The following PHACTR4 variants were observed in gnomAD, a reference collection of about 807,000 sequenced individuals.
The protein encoded by PHACTR4 is phosphatase and actin regulator 4.
A neutral mutation model predicts 72.7 loss-of-function variants in PHACTR4; 51 were observed. The observed-to-expected ratio is 0.70, with a 90% CI of 0.56 to 0.89. The LOEUF (loss-of-function observed/expected upper bound fraction) is 0.89, where lower values mean the gene tolerates loss of function less well. PHACTR4 is among the 40% of genes least tolerant of loss of function. PHACTR4 has a pLI of 0.00. For synonymous variants in PHACTR4, 255 were observed against 302.5 expected (o/e 0.84, Z 1.63); for missense variants, 731 against 861.8 (o/e 0.85, Z 1.90).
At chr1:28,444,459 A>T (rs1657289701) in intron 2 of PHACTR4, among the ~76,000 whole-genome samples, 1 of 151,220 alleles carries the variant, frequency 6.6e-6, no homozygotes, top group Non-Finnish European at 1.5e-5. Context: ...TGATCTCCTG[A>T]CCTTGTGATC....
chr1:28,371,819 T>C (rs2124087000), intron 1 of PHACTR4, among the ~76,000 whole-genome samples: 1 of 152,092 alleles, frequency 6.6e-6, no homozygotes, highest in East Asian at 1.9e-4. Flanking sequence ...CCCAGGCTGG[T>C]CTTGGACTCC....
intron 8 of PHACTR4, among the ~76,000 whole-genome samples, chr1:28,478,781 G>T (rs899482064): frequency 3.1e-4 from 47 of 151,000 alleles, no homozygotes; most frequent in Non-Finnish European, 1.5e-4. Flanking sequence ...AGGGTGTTTT[G>T]TTTGTTTTGT....
intron 2 of PHACTR4, among the ~76,000 whole-genome samples, chr1:28,421,393 G>GT (rs578085922): frequency 0.036 from 5,203 of 143,162 alleles, 119 homozygotes; most frequent in Non-Finnish European, 0.053. Context: ...GGGTTTTTTT[G>GT]TTTTTTTTTT....
rs761092750 is a variant in PHACTR4 at position 28,476,146 on chromosome 1, C to T, written c.1461C>T (p.Ser487=). Residue 487 remains serine (S), a synonymous_variant, in exon 8 of 14, where the codon TCC becomes TCT. Transcript: ENST00000373839. ...DEEEEEQTCP[S]TFSEEMTPTS... Reference sequence around the variant, plus strand: ...AAGAAGAGGAGCAAACCTGTCCATCCACATTCAGTGAAGAAATGACACCTA... The same window carrying T: ...AAGAAGAGGAGCAAACCTGTCCATCTACATTCAGTGAAGAAATGACACCTA... 11 of 1,612,654 alleles carry T rather than the reference C, an allele frequency of 6.8e-6. No homozygotes were observed. The African/African-American group carries it at 1.3e-4, about 20-fold the overall frequency.
At chr1:28,395,481 T>TC (rs753524835) in intron 1 of PHACTR4, among the ~76,000 whole-genome samples, 10 of 152,166 alleles carry the variant, frequency 6.6e-5, no homozygotes, top group Non-Finnish European at 1.5e-4. Context: ...AAGAGCTGAT[T>TC]CATGCTTCTT....
intron 6 of PHACTR4, among the ~76,000 whole-genome samples, chr1:28,473,318 G>A (rs1659700373): frequency 6.6e-6 from 1 of 150,454 alleles, no homozygotes. Flanking sequence ...TGTTGCCATA[G>A]CAATGAAGTA....
At chr1:28,453,257 G>A (rs1308261785) in intron 2 of PHACTR4, among the ~76,000 whole-genome samples, 1 of 152,188 alleles carries the variant, frequency 6.6e-6, no homozygotes, top group Non-Finnish European at 1.5e-5. Flanking sequence ...GCTGTATGAT[G>A]CTAATTTTCT....
chr1:28,371,373 C>T (rs987422328), intron 1 of PHACTR4, among the ~76,000 whole-genome samples: 1 of 152,178 alleles, frequency 6.6e-6, no homozygotes, highest in Non-Finnish European at 1.5e-5. Context: ...TGGCTCACTG[C>T]AACCTCCACT....
chr1:28,474,752 A>G (rs944833701), intron 7 of PHACTR4, among the ~76,000 whole-genome samples: 11 of 151,668 alleles, frequency 7.3e-5, no homozygotes, highest in Non-Finnish European at 1.5e-4. Context: ...CATGTTGGCC[A>G]GGCTGGTCTC....
Position 28,433,085 on chromosome 1 carries a change from C to T in PHACTR4, c.16+25622C>T, listed in dbSNP as rs1656384649. On this transcript the variant is annotated intron_variant, in intron 2 of 13. Coordinates refer to ENST00000373839, the MANE Select transcript of PHACTR4 (RefSeq NM_001048183.3). ...TCCCTAAGTAAAATAGGAAGAGAAT[C>T]ACAAATTTTAATTCTGCTACTTCCC... The T allele has an allele frequency of 2.8e-5, 28 of 985,246 alleles. No homozygotes were observed. The South Asian group carries it at 1.2e-3, about 43-fold the overall frequency. 61.0% of individuals were successfully genotyped at this position (985,246 alleles called of 1,614,324 possible).
chr1:28,464,924 G>A (rs1362041362), intron 4 of PHACTR4, among the ~76,000 whole-genome samples: 14 of 151,692 alleles, frequency 9.2e-5, no homozygotes, highest in Admixed American at 8.5e-4. Flanking sequence ...GGCTGGTCTC[G>A]AACTCTTGAC....
chr1:28,447,008 T>A (rs1237321718), intron 2 of PHACTR4, among the ~76,000 whole-genome samples: 1 of 151,724 alleles, frequency 6.6e-6, no homozygotes, highest in Non-Finnish European at 1.5e-5. Context: ...TTCTTTTTAT[T>A]TATTTATTTA....
At chr1:28,486,674 C>T (rs888196151) in intron 9 of PHACTR4, among the ~76,000 whole-genome samples, 2 of 151,946 alleles carry the variant, frequency 1.3e-5, no homozygotes, top group Non-Finnish European at 2.9e-5. Flanking sequence ...CAAGACCAGC[C>T]TGACCAACAT....
At chr1:28,423,313 A>C (rs573243671) in intron 2 of PHACTR4, among the ~76,000 whole-genome samples, 1 of 152,106 alleles carries the variant, frequency 6.6e-6, no homozygotes, top group Admixed American at 6.6e-5. Flanking sequence ...AGTGGCTGAG[A>C]TGGGAGGATT....
intron 1 of PHACTR4, among the ~76,000 whole-genome samples, chr1:28,381,094 T>G (rs1254087293): frequency 7.3e-6 from 1 of 137,550 alleles, no homozygotes; most frequent in Admixed American, 7.5e-5. Context: ...CTGCAGCCTC[T>G]GCCTCCCGGG....
chr1:28,375,469 TC>T (rs1651583895), intron 1 of PHACTR4, among the ~76,000 whole-genome samples: 2 of 151,822 alleles, frequency 1.3e-5, no homozygotes, highest in South Asian at 4.2e-4. Context: ...TTTATGTTTA[TC>T]CCAGGAGTTT....
chr1:28,468,300 A>G (rs1367142955), intron 6 of PHACTR4, among the ~76,000 whole-genome samples: 5 of 152,150 alleles, frequency 3.3e-5, no homozygotes, highest in African/African-American at 1.2e-4. Flanking sequence ...TGACTCATTC[A>G]AGGTTGTAGG....
intron 2 of PHACTR4, among the ~76,000 whole-genome samples, chr1:28,410,894 A>C (rs2124299102): frequency 6.6e-6 from 1 of 151,818 alleles, no homozygotes; most frequent in African/African-American, 2.4e-5. Flanking sequence ...TTTAGTAGAG[A>C]TGAGGTTTCA....
At chr1:28,400,683 G>C (rs1251629377) in intron 1 of PHACTR4, among the ~76,000 whole-genome samples, 1 of 151,900 alleles carries the variant, frequency 6.6e-6, no homozygotes, top group African/African-American at 2.4e-5. Flanking sequence ...AGATTGAAGC[G>C]ATTCTCCTGC....
Sources: allele counts gnomAD v4.1 joint callset (sites outside exome capture counted in the v4.1 genomes callset), GRCh38; gene constraint gnomAD v4.1.1; transcripts MANE v1.5; gene names NCBI Gene and HGNC (gene_info 2026-07-23, HGNC 2026-07-21).